C13orf42: variants seen among roughly 807,000 people sequenced by gnomAD.
C13orf42 encodes the protein chromosome 13 open reading frame 42.
intron 1 of C13orf42, among the ~76,000 whole-genome samples, chr13:51,123,103 T>C (rs1438457154): frequency 2.0e-5 from 3 of 152,166 alleles, no homozygotes; most frequent in African/African-American, 7.2e-5. Flanking sequence ...TGGTGAATGA[T>C]TAACCAACGT....
At chr13:51,153,402 C>T (rs1327413848) in intron 1 of C13orf42, among the ~76,000 whole-genome samples, 1 of 151,800 alleles carries the variant, frequency 6.6e-6, no homozygotes, top group Non-Finnish European at 1.5e-5. Flanking sequence ...TATGCTTGTG[C>T]CCAAGGGAGT....
At chr13:51,124,915 A>G (rs1324249529) in intron 1 of C13orf42, among the ~76,000 whole-genome samples, 1 of 152,056 alleles carries the variant, frequency 6.6e-6, no homozygotes, top group African/African-American at 2.4e-5. Context: ...GCTTTAATGC[A>G]GGGTCTTCCT....
intron 1 of C13orf42, among the ~76,000 whole-genome samples, chr13:51,153,782 C>T (rs960106601): frequency 1.3e-4 from 19 of 151,918 alleles, no homozygotes; most frequent in African/African-American, 4.6e-4. Context: ...GCTGGGACTA[C>T]AGGTGCATTC....
intron 1 of C13orf42, among the ~76,000 whole-genome samples, chr13:51,142,729 A>T (rs992334590): frequency 6.6e-6 from 1 of 152,008 alleles, no homozygotes; most frequent in African/African-American, 2.4e-5. Flanking sequence ...AACTAAAAAA[A>T]TATGTAAAGA....
intron 1 of C13orf42, among the ~76,000 whole-genome samples, chr13:51,151,357 C>A (rs1301352173): frequency 6.8e-6 from 1 of 147,882 alleles, no homozygotes; most frequent in East Asian, 2.0e-4. Flanking sequence ...ATGCAGGTAG[C>A]CCCAAAAGCT....
chr13:51,165,631 G>C (rs1357877085), intron 1 of C13orf42, among the ~76,000 whole-genome samples: 5 of 152,228 alleles, frequency 3.3e-5, no homozygotes, highest in African/African-American at 1.2e-4. Flanking sequence ...ATGACCAGCA[G>C]TGTTGATGGT....
At chr13:51,114,728 C>G (rs556824697), upstream of C13orf42, among the ~76,000 whole-genome samples, 6 of 152,262 alleles carry the variant, frequency 3.9e-5, no homozygotes, top group African/African-American at 1.4e-4. Flanking sequence ...TCAGTGAACA[C>G]TTTGGTTGTT....
chr13:51,104,246 T>C (rs1181039692), intron 1 of C13orf42, among the ~76,000 whole-genome samples: 2 of 152,240 alleles, frequency 1.3e-5, no homozygotes, highest in African/African-American at 2.4e-5. Context: ...TGAATTATTA[T>C]ACACTTATAT....
chr13:51,145,910 A>G (rs1469537620), intron 1 of C13orf42, among the ~76,000 whole-genome samples: 1 of 152,216 alleles, frequency 6.6e-6, no homozygotes, highest in East Asian at 1.9e-4. Context: ...CCTTGGGCAC[A>G]TGTCTCAGGA....
intron 1 of C13orf42, among the ~76,000 whole-genome samples, chr13:51,090,011 G>A (rs1433275603): frequency 2.6e-5 from 4 of 151,862 alleles, no homozygotes; most frequent in Non-Finnish European, 5.9e-5. Context: ...AAGTGGAGAC[G>A]CTCTAGACTG....
At chr13:51,085,184 AATATATATAT>A (rs57050801) in intron 3 of C13orf42, 125 bp downstream of exon 3, 53 of 195,648 alleles carry the variant, frequency 2.7e-4, no homozygotes, top group East Asian at 5.9e-4. Context: ...AGCAACAACA[AATATATATAT>A]ATATATATAT....
At chr13:51,116,332 G>A (rs1380238773) in intron 1 of C13orf42, among the ~76,000 whole-genome samples, 1 of 152,212 alleles carries the variant, frequency 6.6e-6, no homozygotes, top group Non-Finnish European at 1.5e-5. Flanking sequence ...AGTTGGAAGG[G>A]AAGGGTGAAG....
chr13:51,125,942 C>G (rs1032687265), intron 1 of C13orf42, among the ~76,000 whole-genome samples: 15 of 152,174 alleles, frequency 9.9e-5, no homozygotes, highest in Non-Finnish European at 2.1e-4. Flanking sequence ...GGGGGCAGCA[C>G]GTCTGCAGGA....
upstream of C13orf42, among the ~76,000 whole-genome samples, chr13:51,113,544 T>C (rs1007757907): frequency 2.1e-4 from 31 of 150,564 alleles, no homozygotes; most frequent in Admixed American, 4.0e-4. Context: ...TGAAATCACC[T>C]TGTGGTTTTC....
At chr13:51,161,846 A>T (rs1279032598) in intron 1 of C13orf42, 1 of 444,156 alleles carries the variant, frequency 2.3e-6, no homozygotes. Flanking sequence ...CATCCACAGC[A>T]CTCTCAGAGC....
intron 1 of C13orf42, among the ~76,000 whole-genome samples, chr13:51,157,706 T>C (rs1008673729): frequency 1.2e-4 from 18 of 152,178 alleles, no homozygotes; most frequent in African/African-American, 4.3e-4. Flanking sequence ...GAGCAGACCA[T>C]GCCAGCATGA....
At chr13:51,091,626 T>C (rs1953181151) in intron 1 of C13orf42, among the ~76,000 whole-genome samples, 1 of 152,122 alleles carries the variant, frequency 6.6e-6, no homozygotes, top group African/African-American at 2.4e-5. Flanking sequence ...TTAAAGAATA[T>C]CTATGCTGCC....
At chr13:51,159,381 C>A (rs1442005790) in intron 1 of C13orf42, among the ~76,000 whole-genome samples, 1 of 152,112 alleles carries the variant, frequency 6.6e-6, no homozygotes, top group African/African-American at 2.4e-5. Flanking sequence ...GATAGAATGA[C>A]AAGAAAATAA....
intron 1 of C13orf42, among the ~76,000 whole-genome samples, chr13:51,100,980 A>G (rs1457439089): frequency 2.0e-5 from 3 of 152,196 alleles, no homozygotes; most frequent in Non-Finnish European, 4.4e-5. Flanking sequence ...ATATAACATT[A>G]ACTGAGAAAA....
Sources: allele counts gnomAD v4.1 joint callset (sites outside exome capture counted in the v4.1 genomes callset), GRCh38; gene constraint gnomAD v4.1.1; transcripts MANE v1.5; gene names NCBI Gene and HGNC (gene_info 2026-07-23, HGNC 2026-07-21).